CHLSN: variants seen among roughly 807,000 people sequenced by gnomAD.
CHLSN encodes the protein cholesin.
the CHLSN span, among the ~76,000 whole-genome samples, chr7:1,039,844 C>G: frequency 1.4e-5 from 1 of 72,988 alleles, no homozygotes; most frequent in Non-Finnish European, 2.8e-5. Flanking sequence ...ATTCCTCTGC[C>G]TTGGGATCCT....
At chr7:1,112,827 G>A in the CHLSN span, among the ~76,000 whole-genome samples, 1 of 152,116 alleles carries the variant, frequency 6.6e-6, no homozygotes, top group African/African-American at 2.4e-5. Context: ...GAAGCGCAGC[G>A]GCTTCGTAAA....
chr7:1,133,942 C>G, the CHLSN span, among the ~76,000 whole-genome samples: 16,189 of 151,884 alleles, frequency 0.11, 1,491 homozygotes, highest in African/African-American at 0.25. Flanking sequence ...GAGTAGCTGG[C>G]ACTACAGGTG....
chr7:1,089,963 A>G, the CHLSN span, among the ~76,000 whole-genome samples: 1 of 151,802 alleles, frequency 6.6e-6, no homozygotes, highest in Non-Finnish European at 1.5e-5. Context: ...GCACACCTAT[A>G]ATCCCAGATA....
At chr7:1,117,434 C>T in the CHLSN span, among the ~76,000 whole-genome samples, 1 of 129,914 alleles carries the variant, frequency 7.7e-6, no homozygotes, top group Non-Finnish European at 1.6e-5. Flanking sequence ...GGACCGGCTT[C>T]CATCACAGAC....
chr7:1,076,319 G>T, the CHLSN span: 1 of 159,862 alleles, frequency 6.3e-6, no homozygotes, highest in Non-Finnish European at 1.3e-5. Flanking sequence ...GAGGAGCACC[G>T]CCAAGGAGGA....
chr7:1,037,769 C>T, the CHLSN span, among the ~76,000 whole-genome samples: 1 of 59,458 alleles, frequency 1.7e-5, no homozygotes, highest in Admixed American at 1.6e-4. Flanking sequence ...AGGAGCGTCT[C>T]CGCCCGGCCG....
chr7:998,644 C>G, the CHLSN span, among the ~76,000 whole-genome samples: 1 of 151,934 alleles, frequency 6.6e-6, no homozygotes. Context: ...GGGGTTTTTG[C>G]CATGTTGGCC....
chr7:998,907 C>T, the CHLSN span, among the ~76,000 whole-genome samples: 1 of 152,204 alleles, frequency 6.6e-6, no homozygotes, highest in African/African-American at 2.4e-5. Flanking sequence ...ATTTAAGTCT[C>T]TGATCCATTT....
the CHLSN span, among the ~76,000 whole-genome samples, chr7:1,111,729 G>A: frequency 6.6e-5 from 10 of 152,292 alleles, no homozygotes; most frequent in East Asian, 1.5e-3. Flanking sequence ...TTGAGCCAGG[G>A]AGGTTGAGGC....
At chr7:1,044,888 A>C in the CHLSN span, among the ~76,000 whole-genome samples, 1 of 152,242 alleles carries the variant, frequency 6.6e-6, no homozygotes, top group East Asian at 1.9e-4. Context: ...TTCGGTCATT[A>C]ACCTGGTGAT....
chr7:1,031,442 C>A, the CHLSN span, among the ~76,000 whole-genome samples: 1 of 94,938 alleles, frequency 1.1e-5, no homozygotes, highest in Non-Finnish European at 2.2e-5. Context: ...GGGGCAGAGA[C>A]CTGCAGGGAG....
the CHLSN span, among the ~76,000 whole-genome samples, chr7:1,096,356 G>A: frequency 4.6e-5 from 7 of 152,314 alleles, no homozygotes; most frequent in African/African-American, 1.7e-4. This position sits in a 1 kb window ranked among gnomAD's most constrained non-coding sequence, Gnocchi z 4.6. Context: ...ACCGGGCTGC[G>A]GTAAGGGCAG....
chr7:1,105,701 G>A, the CHLSN span, among the ~76,000 whole-genome samples: 1 of 151,802 alleles, frequency 6.6e-6, no homozygotes, highest in African/African-American at 2.4e-5. Flanking sequence ...TGCAACCTCC[G>A]CCTCACGGGT....
At chr7:1,002,735 T>G in the CHLSN span, among the ~76,000 whole-genome samples, 1 of 85,418 alleles carries the variant, frequency 1.2e-5, no homozygotes, top group Non-Finnish European at 2.2e-5. Flanking sequence ...GTGAGTGGAA[T>G]CCTGTGGGTG....
the CHLSN span, among the ~76,000 whole-genome samples, chr7:1,012,010 C>A: frequency 6.6e-6 from 1 of 152,172 alleles, no homozygotes; most frequent in Non-Finnish European, 1.5e-5. Context: ...GGTGACTGAC[C>A]GGCTCCAACC....
At chr7:1,009,545 G>A in the CHLSN span, among the ~76,000 whole-genome samples, 3 of 152,272 alleles carry the variant, frequency 2.0e-5, no homozygotes, top group South Asian at 2.1e-4. Flanking sequence ...CCGTCTTCCC[G>A]CTCTTGGGTG....
At chr7:1,054,747 T>G in the CHLSN span, among the ~76,000 whole-genome samples, 2 of 152,168 alleles carry the variant, frequency 1.3e-5, no homozygotes, top group African/African-American at 2.4e-5. Flanking sequence ...GGAGGCTCCG[T>G]GTGTGGGGCC....
At chr7:1,123,220 G>T in the CHLSN span, among the ~76,000 whole-genome samples, 1 of 152,230 alleles carries the variant, frequency 6.6e-6, no homozygotes, top group Non-Finnish European at 1.5e-5. The surrounding 1 kb of genome is among the most constrained non-coding windows in gnomAD (Gnocchi z 4.4). Context: ...GCCTGAGTGG[G>T]AACCGGAACG....
At chr7:1,039,999 A>C in the CHLSN span, among the ~76,000 whole-genome samples, 7 of 115,128 alleles carry the variant, frequency 6.1e-5, no homozygotes, top group Admixed American at 2.6e-4. Flanking sequence ...GTCATCACCA[A>C]TCCCTAATCT....
Sources: gnomAD v4.1 joint callset for allele counts (sites outside exome capture counted in the v4.1 genomes callset) on GRCh38, gnomAD v4.1.1 for gene constraint, Gnocchi (gnomAD v3.1) non-coding constraint, MANE v1.5 for transcripts, NCBI Gene and HGNC (gene_info 2026-07-23, HGNC 2026-07-21) for gene names.